Variants in TRIM61 observed in about 807,000 individuals in gnomAD.
The protein encoded by TRIM61 is putative tripartite motif-containing protein 61.
A neutral mutation model predicts 14.2 loss-of-function variants in TRIM61; 1 was observed. The ratio of observed to expected loss-of-function variants is 0.07; its 90% CI spans 0.03 to 0.33. The LOEUF is 0.33. Among genes scored for constraint, TRIM61 ranks in the 10% least tolerant of loss-of-function variants. The pLI, the probability that TRIM61 is intolerant of heterozygous loss-of-function variation, is 0.99. For missense variants in TRIM61, 19 were observed against 202.2 expected, an observed-to-expected ratio of 0.09 and a Z score of 5.49; for synonymous variants, 8 against 71.6, an observed-to-expected ratio of 0.11 and a Z score of 4.49.
intron 1 of TRIM61, 35 bp from the exon 2 acceptor site, chr4:164,976,860 A>T (rs1266314789): frequency 6.6e-6 from 1 of 152,178 alleles, no homozygotes; most frequent in Non-Finnish European, 1.5e-5. Context: ...ATCCATTAAG[A>T]TCTAGTCCAA....
chr4:164,959,309 C>T (rs1464663054), intron 3 of TRIM61, among the ~76,000 whole-genome samples: 1 of 152,072 alleles, frequency 6.6e-6, no homozygotes, highest in African/African-American at 2.4e-5. Context: ...CCTCTGAGGC[C>T]TTTCATGTTT....
At chr4:164,967,757 T>C (rs761568660) in intron 3 of TRIM61, among the ~76,000 whole-genome samples, 1 of 151,880 alleles carries the variant, frequency 6.6e-6, no homozygotes, top group Non-Finnish European at 1.5e-5. Context: ...CCCAGTGCTT[T>C]GGGAGGCTAA....
chr4:164,957,000 G>A, intron 3 of TRIM61: 1 of 1,470,772 alleles, frequency 6.8e-7, no homozygotes, highest in Non-Finnish European at 9.0e-7. Flanking sequence ...TGGAGACCGG[G>A]GCAGCGCCAT....
At chr4:164,957,323 G>A (rs1732029533) in intron 3 of TRIM61, 1 of 1,614,098 alleles carries the variant, frequency 6.2e-7, no homozygotes, top group Non-Finnish European at 8.5e-7. Flanking sequence ...GAATTTTAGT[G>A]GCAGCATTCC....
At chr4:164,963,491 C>T (rs189842837) in intron 3 of TRIM61, among the ~76,000 whole-genome samples, 3 of 152,290 alleles carry the variant, frequency 2.0e-5, no homozygotes, top group African/African-American at 4.8e-5. Context: ...TGGCTCACGC[C>T]TGTAATCCCA....
chr4:164,973,522 A>T (rs1202066763), intron 2 of TRIM61, among the ~76,000 whole-genome samples: 1 of 152,242 alleles, frequency 6.6e-6, no homozygotes, highest in Non-Finnish European at 1.5e-5. Flanking sequence ...AAGAGATAAA[A>T]TACAAACTGA....
intron 3 of TRIM61, among the ~76,000 whole-genome samples, chr4:164,961,277 C>T (rs1320638340): frequency 6.9e-6 from 1 of 145,238 alleles, no homozygotes; most frequent in Non-Finnish European, 1.5e-5. Context: ...ATAATTTTAT[C>T]AGAGAGTTGG....
At chr4:164,955,558 G>C (rs1000132797) in intron 3 of TRIM61, among the ~76,000 whole-genome samples, 4 of 104,790 alleles carry the variant, frequency 3.8e-5, no homozygotes, top group Non-Finnish European at 6.9e-5. Flanking sequence ...GACTAAGAGA[G>C]ATTCAGTCTC....
intron 3 of TRIM61, among the ~76,000 whole-genome samples, chr4:164,967,546 A>G (rs1732269500): frequency 6.6e-6 from 1 of 152,242 alleles, no homozygotes; most frequent in South Asian, 2.1e-4. Flanking sequence ...GGAACAGAAC[A>G]GGTTATCTAC....
At chr4:164,968,343 T>C (rs182503753) in intron 3 of TRIM61, 282 of 965,674 alleles carry the variant, frequency 2.9e-4, no homozygotes, top group Admixed American at 5.5e-4. Context: ...TCTTACATAA[T>C]ACATTTCTTC....
chr4:164,971,189 C>T (rs1732357496), intron 2 of TRIM61, among the ~76,000 whole-genome samples: 1 of 152,080 alleles, frequency 6.6e-6, no homozygotes, highest in Non-Finnish European at 1.5e-5. Flanking sequence ...AAATTGAGCA[C>T]AATAAAATTA....
intron 3 of TRIM61, among the ~76,000 whole-genome samples, chr4:164,966,618 A>G (rs1732249034): frequency 6.6e-6 from 1 of 152,190 alleles, no homozygotes; most frequent in Non-Finnish European, 1.5e-5. Context: ...GATTTTTAAA[A>G]ATTGTACTTT....
chr4:164,969,088 A>G, intron 3 of TRIM61: 1 of 1,093,436 alleles, frequency 9.1e-7, no homozygotes, highest in Non-Finnish European at 1.1e-6. Flanking sequence ...TAAGTTTACG[A>G]TGTGCTGTTT....
intron 3 of TRIM61, among the ~76,000 whole-genome samples, chr4:164,967,670 G>GT (rs950791656): frequency 6.6e-6 from 1 of 152,048 alleles, no homozygotes; most frequent in African/African-American, 2.4e-5. Flanking sequence ...AAAAAATAAA[G>GT]TAAGTTACTT....
chr4:164,977,598 G>C lies in TRIM61; in HGVS notation c.-543C>G, dbSNP rs1037119414. The C allele has an allele frequency of 6.6e-6, 1 of 152,220 alleles. No individual in the cohort carries two copies. Among genetic ancestry groups the C allele is most frequent in the Non-Finnish European group, 1.5e-5 (1 of 68,098 alleles). 9.4% of individuals were successfully genotyped at this position (152,220 alleles called of 1,614,324 possible). A position where few individuals can be genotyped will look rare whatever the true frequency, so the allele number is the denominator to read the frequency against. On this transcript the variant is annotated 5_prime_UTR_variant, in exon 1 of 5. Transcript: ENST00000329314. ...GACCCACCGAGCCCCCGCGAGGAAG[G>C]ACTCATACCCCAACCCCACCAAGTG...
chr4:164,973,961 C>A (rs1419224631), intron 2 of TRIM61, among the ~76,000 whole-genome samples: 3 of 152,136 alleles, frequency 2.0e-5, no homozygotes, highest in African/African-American at 7.2e-5. Flanking sequence ...TTGAGGTCAG[C>A]AGTTCGAGAA....
At chr4:164,971,095 T>A (rs1252387730) in intron 2 of TRIM61, among the ~76,000 whole-genome samples, 2 of 152,110 alleles carry the variant, frequency 1.3e-5, no homozygotes, top group African/African-American at 4.8e-5. Context: ...AGTGAAACTC[T>A]ATCTCCCCCC....
chr4:164,961,761 A>G (rs1362819764), intron 3 of TRIM61, among the ~76,000 whole-genome samples: 1 of 152,226 alleles, frequency 6.6e-6, no homozygotes, highest in Non-Finnish European at 1.5e-5. Context: ...ACTGCTGAAA[A>G]TTAAAATCAA....
intron 3 of TRIM61, among the ~76,000 whole-genome samples, chr4:164,963,107 A>C (rs936046085): frequency 6.6e-6 from 1 of 152,240 alleles, no homozygotes; most frequent in African/African-American, 2.4e-5. Flanking sequence ...GAAGCCAGGC[A>C]TGGTGGAGTG....
Sources: allele counts gnomAD v4.1 joint callset (sites outside exome capture counted in the v4.1 genomes callset), GRCh38; gene constraint gnomAD v4.1.1; transcripts MANE v1.5; gene names NCBI Gene and HGNC (gene_info 2026-07-23, HGNC 2026-07-21).